SYNJ1: variants seen among roughly 807,000 people sequenced by gnomAD.
SYNJ1 encodes synaptojanin 1.
A neutral mutation model predicts 168.2 loss-of-function variants in SYNJ1; 78 were observed. The ratio of observed to expected loss-of-function variants is 0.46; its 90% CI spans 0.39 to 0.56. The LOEUF (loss-of-function observed/expected upper bound fraction) is 0.56. SYNJ1 is among the 20% of genes least tolerant of loss of function. The pLI is 0.00. For synonymous variants in SYNJ1, 539 were observed against 548.6 expected (o/e 0.98, Z 0.24); for missense variants, 1,303 against 1,597.6 (o/e 0.82, Z 3.14).
chr21:32,709,477 C>CAAAA (rs35527256), intron 2 of SYNJ1, among the ~76,000 whole-genome samples: 43 of 39,306 alleles, frequency 1.1e-3, no homozygotes, highest in African/African-American at 2.2e-3. Context: ...GACTCTGTCT[C>CAAAA]AAAAAAAAAA....
chr21:32,690,511 A>G (rs2146127052), intron 6 of SYNJ1, among the ~76,000 whole-genome samples: 1 of 152,314 alleles, frequency 6.6e-6, no homozygotes, highest in East Asian at 1.9e-4. Context: ...GAAAAGTTTT[A>G]CAATAACAGA....
rs532311377 is a variant in SYNJ1 at position 32,726,849 on chromosome 21, G to A, written c.47C>T (p.Pro16Leu). 2 of 1,614,158 alleles carry A rather than the reference G, an allele frequency of 1.2e-6. No homozygotes were observed. The highest frequency in any genetic ancestry group is 1.3e-5 in the African/African-American group (1 of 75,024). The change falls in exon 2 of 33, where the codon CCA (proline) becomes CTA (leucine). Residue 16 changes from proline (P) to leucine (L), a missense_variant. Coordinates refer to ENST00000674351, the MANE Select transcript of SYNJ1 (RefSeq NM_203446.3). ...AGTTTCCACTATGAGGCTGAAAGGT[G>A]GGGGATCCAATTTGTGATAGATCCG... Reference protein sequence around the residue: ...GFRIYHKLDPPPFSLIVETRH... With the variant: ...GFRIYHKLDPLPFSLIVETRH...
In SYNJ1 at chr21:32,646,389, A is replaced by AG. The variant is rs1225359251; in HGVS notation, c.3247+3_3247+4insC. ...CATACAAAACTTTCAAATAAAATGC[A>AG]TACTCTGTGCACTGGGAGGCCCAGG... On this transcript the variant is annotated splice_donor_region_variant and intron_variant, in intron 24 of 32. Transcript: ENST00000674351. 1.7e-5 allele frequency: 28 copies of AG among 1,613,466 alleles called. No individual in the cohort carries two copies. The South Asian group carries it at 3.0e-4, about 17-fold the overall frequency.
intron 9 of SYNJ1, 131 bp downstream of exon 9, chr21:32,685,617 A>C (rs1262569651): frequency 1.8e-6 from 1 of 566,624 alleles, no homozygotes; most frequent in Non-Finnish European, 2.4e-6. Flanking sequence ...AAAAATAAAA[A>C]TAAAATGAAA....
At chr21:32,670,141 A>G in intron 15 of SYNJ1, 147 bp downstream of exon 15, 1 of 590,090 alleles carries the variant, frequency 1.7e-6, no homozygotes, top group Non-Finnish European at 2.8e-6. Flanking sequence ...CTCAGACCCA[A>G]AAGTATGAGA....
In SYNJ1 at chr21:32,722,753, A is replaced by G. The variant is rs138951105; in HGVS notation, c.124+4019T>C. On this transcript the variant is annotated intron_variant, in intron 2 of 32. Coordinates refer to ENST00000674351, the MANE Select transcript of SYNJ1 (RefSeq NM_203446.3). The stretch of plus-strand genomic sequence containing the variant: ...AGACACACAGGCCTTTTCCTCAAGG[A>G]GTGCGGCATCCAGACACAGAACCTG... Among the ~76,000 whole-genome samples, 415 of 152,298 alleles carry G rather than the reference A, an allele frequency of 2.7e-3. 3 individuals carry two copies. The highest frequency in any genetic ancestry group is 9.8e-3 in the African/African-American group (406 of 41,552).
rs560257264 is a variant in SYNJ1, at chr21:32,646,321, A to C, written c.3247+72T>G. 12 of 1,479,368 alleles carry C rather than the reference A, an allele frequency of 8.1e-6. No individual in the cohort carries two copies. The African/African-American group carries it at 1.7e-4, about 21-fold the overall frequency. 91.6% of individuals were successfully genotyped at this position (1,479,368 alleles called of 1,614,324 possible). On this transcript the variant is annotated intron_variant, in intron 24 of 32. Coordinates refer to ENST00000674351, the MANE Select transcript of SYNJ1 (RefSeq NM_203446.3). ...ACTTTATCACCTAGGTATGAAACTT[A>C]AACGATGACTCTCCAACATCAAGCA...
intron 6 of SYNJ1, among the ~76,000 whole-genome samples, chr21:32,690,984 T>C (rs1206086305): frequency 6.6e-6 from 1 of 152,244 alleles, no homozygotes; most frequent in Non-Finnish European, 1.5e-5. Flanking sequence ...TGGTATGGTA[T>C]ATCATTTTCC....
In SYNJ1 at chr21:32,653,209, C is replaced by G. The variant is rs533023317; in HGVS notation, c.2874+79G>C. On this transcript the variant is annotated intron_variant, in intron 22 of 32. Transcript: ENST00000674351. ...TTCCCCTCCCATTTAGATAATCTTG[C>G]TGCATGTCTATAAAAATATCATACC... 491 of 1,123,128 alleles carry G rather than the reference C, an allele frequency of 4.4e-4. 2 individuals are homozygous for G. In the African/African-American group the frequency reaches 7.1e-3, roughly 16 times the overall value. The allele number at this position is 1,123,128 out of a possible 1,614,324, so 69.6% of individuals were successfully genotyped here. A position where few individuals can be genotyped will look rare whatever the true frequency, so the allele number is the denominator to read the frequency against.
intron 6 of SYNJ1, among the ~76,000 whole-genome samples, chr21:32,690,726 CG>C (rs1569098699): frequency 1.3e-5 from 2 of 152,102 alleles, no homozygotes; most frequent in African/African-American, 4.8e-5. Flanking sequence ...AGTTTGAGAC[CG>C]GCCTGACCAA....
rs1182158699 is a variant in SYNJ1, at chr21:32,653,317, A to G, written c.2845T>C (p.Leu949=). The G allele has an allele frequency of 6.2e-7, 1 of 1,613,882 alleles. No homozygotes were observed. The highest frequency in any genetic ancestry group is 8.5e-7 in the Non-Finnish European group (1 of 1,179,908). ...TTACCATTTAGGCTCAGAACATTCA[A>G]GGCAGAGCTTCCCTCCAAAAATGTA... The part of the protein sequence containing the change: ...WVTFLEGSSA[L]NVLSLNGKEL... The change falls in exon 22 of 33, where the codon TTG becomes CTG. Residue 949 remains leucine, a synonymous_variant. Transcript: ENST00000674351.
At chr21:32,640,290 ATTTG>A (rs908774314) in intron 29 of SYNJ1, among the ~76,000 whole-genome samples, 1 of 150,726 alleles carries the variant, frequency 6.6e-6, no homozygotes, top group Non-Finnish European at 1.5e-5. Context: ...ACACCCTGAG[ATTTG>A]TTTTTTTTTT....
chr21:32,713,084 A>T (rs2042886002), intron 2 of SYNJ1, among the ~76,000 whole-genome samples: 1 of 152,262 alleles, frequency 6.6e-6, no homozygotes, highest in South Asian at 2.1e-4. Context: ...CACTGCAACA[A>T]ATATGAGTAA....
chr21:32,631,144 C>T lies in SYNJ1; in HGVS notation c.*661G>A, dbSNP rs577292452. ...AACACACAGAAGGAGACATTTGTAC[C>T]TTTATTCCAGTCATCATTCAATGTC... On this transcript the variant is annotated 3_prime_UTR_variant, in exon 33 of 33. Transcript: ENST00000674351. 6.6e-5 allele frequency: 107 copies of T among 1,614,184 alleles called. No individual in the cohort carries two copies. In the South Asian group the frequency reaches 1.2e-3, roughly 18 times the overall value.
At chr21:32,710,014 C>G (rs932328129) in intron 2 of SYNJ1, among the ~76,000 whole-genome samples, 33 of 151,738 alleles carry the variant, frequency 2.2e-4, no homozygotes, top group African/African-American at 8.0e-4. Context: ...GCCTGGCCAA[C>G]ATGGTAAAAA....
In SYNJ1 at chr21:32,629,404, T is replaced by C. The variant is rs1358552034; in HGVS notation, c.*2401A>G. 1 of 152,680 alleles carries C rather than the reference T, an allele frequency of 6.5e-6. No homozygotes were observed. The highest frequency in any genetic ancestry group is 1.5e-5 in the Non-Finnish European group (1 of 68,048). 9.5% of individuals were successfully genotyped at this position (152,680 alleles called of 1,614,324 possible). On this transcript the variant is annotated 3_prime_UTR_variant, in exon 33 of 33. Coordinates refer to ENST00000674351, the MANE Select transcript of SYNJ1 (RefSeq NM_203446.3). ...AAGAGTTATTTCTAACAGCAAATCT[T>C]GGCTGTTAACAGAGAAGATTACTTC... is the stretch of plus-strand genomic sequence containing the variant.
intron 29 of SYNJ1, among the ~76,000 whole-genome samples, chr21:32,640,219 T>A (rs564725254): frequency 5.3e-5 from 8 of 152,182 alleles, no homozygotes; most frequent in African/African-American, 1.9e-4. Flanking sequence ...GGGATGATTT[T>A]AAAATATACA....
intron 3 of SYNJ1, 30 bp downstream of exon 3, chr21:32,701,931 T>C (rs376215770): frequency 1.7e-4 from 253 of 1,455,784 alleles, no homozygotes; most frequent in Middle Eastern, 3.6e-4. Context: ...AATGAAAAAA[T>C]GGATGAATTC....
chr21:32,655,340 T>C lies in SYNJ1; in HGVS notation c.2795+1347A>G, dbSNP rs1275347647. 2.0e-5 allele frequency among the ~76,000 whole-genome samples: 3 copies of C among 152,262 alleles called. No individual in the cohort carries two copies. In the East Asian group the frequency reaches 5.8e-4, roughly 29 times the overall value. On this transcript the variant is annotated intron_variant, in intron 21 of 32. Coordinates refer to ENST00000674351, the MANE Select transcript of SYNJ1 (RefSeq NM_203446.3). ...ACTTGGCAAAGTATACTGTCATCTG[T>C]ACACTTGCAGATTTCACTGTGTACT...
Sources: gnomAD v4.1 joint callset for allele counts (sites outside exome capture counted in the v4.1 genomes callset) on GRCh38, gnomAD v4.1.1 for gene constraint, MANE v1.5 for transcripts, NCBI Gene and HGNC (gene_info 2026-07-23, HGNC 2026-07-21) for gene names.